The following TRIP12 variants were observed in gnomAD, a reference collection of about 807,000 sequenced individuals.
TRIP12 encodes the protein E3 ubiquitin-protein ligase TRIP12.
A neutral mutation model predicts 244.2 loss-of-function variants in TRIP12; 25 were observed. The ratio of observed to expected loss-of-function variants is 0.10; its 90% CI spans 0.07 to 0.14. TRIP12 has a LOEUF of 0.14. TRIP12 is among the 10% of genes least tolerant of loss of function. TRIP12 has a pLI of 1.00. For synonymous variants in TRIP12, 905 were observed against 873.1 expected, an observed-to-expected ratio of 1.04 and a Z score of -0.64; for missense variants, 1,677 against 2,486.4, an observed-to-expected ratio of 0.67 and a Z score of 6.92.
rs770732939 is a variant in TRIP12, at chr2:229,774,078, C to CA, written c.5694+18dup. 1.9e-5 allele frequency: 30 copies of CA among 1,606,908 alleles called. No individual in the cohort carries two copies. The highest frequency in any genetic ancestry group is 2.5e-5 in the Non-Finnish European group (29 of 1,176,620). ...CCGTCTTCACAACTGGCCTACCCCC[C>CA]AAAGACACAGTTACATACTCTTAGA... On this transcript the variant is annotated intron_variant, in intron 38 of 41. Transcript: ENST00000675903.
chr2:229,785,527 T>C (rs1313181484), intron 34 of TRIP12, among the ~76,000 whole-genome samples: 1 of 152,230 alleles, frequency 6.6e-6, no homozygotes, highest in East Asian at 1.9e-4. Context: ...TTTCAATTTA[T>C]CAACTTAAAG....
intron 4 of TRIP12, among the ~76,000 whole-genome samples, chr2:229,857,468 A>C (rs1449336588): frequency 2.6e-5 from 4 of 152,076 alleles, no homozygotes; most frequent in Non-Finnish European, 5.9e-5. Flanking sequence ...CTCTCTACTA[A>C]AAATACAAAA....
chr2:229,883,979 C>T (rs1435704604), intron 1 of TRIP12, among the ~76,000 whole-genome samples: 2 of 151,702 alleles, frequency 1.3e-5, no homozygotes, highest in African/African-American at 2.4e-5. Flanking sequence ...TGTGGTAGTG[C>T]GCACCTGTAA....
At chr2:229,898,522 CCTGA>C (rs1019848789) in intron 1 of TRIP12, among the ~76,000 whole-genome samples, 6 of 152,122 alleles carry the variant, frequency 3.9e-5, no homozygotes, top group Admixed American at 2.0e-4. Context: ...ACTCCAGTCG[CCTGA>C]CTCTCAGGCC....
At chr2:229,906,855 A>G (rs1277370674) in intron 1 of TRIP12, among the ~76,000 whole-genome samples, 1 of 152,216 alleles carries the variant, frequency 6.6e-6, no homozygotes, top group Non-Finnish European at 1.5e-5. Flanking sequence ...ATCTGAGACT[A>G]TATCAAAATA....
At position 229,764,754 on chromosome 2, in the gene TRIP12, C is replaced by G. The variant is rs560170975; in HGVS notation, c.*2800G>C. On this transcript the variant is annotated 3_prime_UTR_variant, in exon 42 of 42. Coordinates refer to ENST00000675903, the MANE Select transcript of TRIP12 (RefSeq NM_001348323.3). ...TATAGGATGCCCTAGGGAAGTCACT[C>G]CACAATACGGAGTGGTCACATTCAT... is the stretch of plus-strand genomic sequence containing the variant. 4 of 152,324 alleles carry G rather than the reference C, an allele frequency of 2.6e-5. No individual in the cohort carries two copies. In the East Asian group the frequency reaches 7.7e-4, roughly 29 times the overall value. 9.4% of individuals were successfully genotyped at this position (152,324 alleles called of 1,614,324 possible).
intron 1 of TRIP12, among the ~76,000 whole-genome samples, chr2:229,917,305 C>A (rs887691798): frequency 1.4e-5 from 2 of 140,460 alleles, no homozygotes; most frequent in Non-Finnish European, 3.0e-5. Context: ...GGCATGAACC[C>A]TGGAGGCGGA....
chr2:229,851,003 C>A (rs186935865), intron 4 of TRIP12, among the ~76,000 whole-genome samples: 1 of 152,234 alleles, frequency 6.6e-6, no homozygotes, highest in African/African-American at 2.4e-5. Flanking sequence ...CTTCCCCCAC[C>A]TCCGTGGGCT....
rs559664004 is a variant in TRIP12 at position 229,871,746 on chromosome 2, C to A, written c.98+8236G>T. Among the ~76,000 whole-genome samples, 110 of 152,188 alleles carry A rather than the reference C, an allele frequency of 7.2e-4. 1 individual carries two copies. Among genetic ancestry groups the A allele is most frequent in the South Asian group, 5.2e-3 (25 of 4,826 alleles). ...TAATATAATTTGAAATTAGAAAATA[C>A]AAAAACAAAATATTAATAAGGAAAA... On this transcript the variant is annotated intron_variant, in intron 2 of 41. Coordinates refer to ENST00000675903, the MANE Select transcript of TRIP12 (RefSeq NM_001348323.3).
At chr2:229,782,087 A>G (rs149167546) in intron 34 of TRIP12, among the ~76,000 whole-genome samples, 1 of 152,334 alleles carries the variant, frequency 6.6e-6, no homozygotes, top group African/African-American at 2.4e-5. Context: ...TGCTGAAGAA[A>G]GTGGAATGTA....
chr2:229,796,851 T>C (rs933042583), intron 24 of TRIP12, 69 bp from the exon 25 acceptor site: 17 of 1,368,792 alleles, frequency 1.2e-5, no homozygotes, highest in Non-Finnish European at 1.7e-5. Flanking sequence ...AACTCACATA[T>C]CCTCAAAAGG....
chr2:229,789,464 G>A, intron 31 of TRIP12, 147 bp downstream of exon 31: 1 of 790,324 alleles, frequency 1.3e-6, no homozygotes, highest in East Asian at 3.0e-5. Flanking sequence ...AAAAAAAGTG[G>A]GGGAGAAGTT....
At chr2:229,888,735 G>A (rs933579715) in intron 1 of TRIP12, among the ~76,000 whole-genome samples, 2 of 152,100 alleles carry the variant, frequency 1.3e-5, no homozygotes, top group African/African-American at 4.8e-5. Flanking sequence ...CCCAGGATGC[G>A]GAGGTTGCAG....
chr2:229,871,050 C>T lies in TRIP12; in HGVS notation c.98+8932G>A, dbSNP rs113713282. ...GTGCACACCTGCAGTCCCAGCTACT[C>T]GGGAGGCTGAGGCAAGAGGAGGCTG... On this transcript the variant is annotated intron_variant, in intron 2 of 41. Transcript: ENST00000675903. 5.0e-3 allele frequency among the ~76,000 whole-genome samples: 753 copies of T among 151,960 alleles called. 8 individuals are homozygous for T. The highest frequency in any genetic ancestry group is 0.018 in the African/African-American group (733 of 41,438).
At chr2:229,793,232 T>C in intron 26 of TRIP12, 87 bp from the exon 27 acceptor site, 1 of 1,343,654 alleles carries the variant, frequency 7.4e-7, no homozygotes, top group Non-Finnish European at 1.0e-6. Flanking sequence ...TAATACAAAC[T>C]GCATTTTCAT....
chr2:229,922,531 G>T, upstream of TRIP12: 1 of 1,613,894 alleles, frequency 6.2e-7, no homozygotes, highest in Non-Finnish European at 8.5e-7. Flanking sequence ...CGTGGCTGCC[G>T]GAGACTCTCT....
At chr2:229,773,061 A>G (rs1463048345) in intron 38 of TRIP12, among the ~76,000 whole-genome samples, 1 of 151,654 alleles carries the variant, frequency 6.6e-6, no homozygotes, top group Non-Finnish European at 1.5e-5. Context: ...GTCAAGCATC[A>G]CAAATTAATA....
At chr2:229,903,944 G>A (rs1036925707) in intron 1 of TRIP12, among the ~76,000 whole-genome samples, 4 of 152,086 alleles carry the variant, frequency 2.6e-5, no homozygotes. Context: ...GCTGAGGCAG[G>A]AGGATAGTTT....
intron 2 of TRIP12, among the ~76,000 whole-genome samples, chr2:229,869,266 T>C (rs1355776515): frequency 1.3e-5 from 2 of 152,234 alleles, no homozygotes; most frequent in Admixed American, 1.3e-4. Context: ...GAAAGTCACA[T>C]TTCTGTGCCC....
Sources: allele counts gnomAD v4.1 joint callset (sites outside exome capture counted in the v4.1 genomes callset), GRCh38; gene constraint gnomAD v4.1.1; transcripts MANE v1.5; gene names NCBI Gene and HGNC (gene_info 2026-07-23, HGNC 2026-07-21).